Variants in MYH4 observed in about 807,000 individuals in gnomAD.
MYH4 encodes the protein myosin heavy chain 4.
MYH4 carries 200 observed loss-of-function variants against 229.9 expected under a neutral mutation model. The ratio of observed to expected loss-of-function variants is 0.87; its 90% confidence interval spans 0.78 to 0.98. The LOEUF (loss-of-function observed/expected upper bound fraction) is 0.98. MYH4 is among the 50% of genes least tolerant of loss of function. MYH4 has a pLI of 0.00. For synonymous variants in MYH4, 761 were observed against 834.6 expected, an observed-to-expected ratio of 0.91 and a Z score of 1.52; for missense variants, 2,148 against 2,332.6, an observed-to-expected ratio of 0.92 and a Z score of 1.63.
chr17:10,467,256 C>G (rs1305630372), intron 2 of MYH4, among the ~76,000 whole-genome samples: 2 of 152,194 alleles, frequency 1.3e-5, no homozygotes, highest in Non-Finnish European at 2.9e-5. Flanking sequence ...AAATTTTCCT[C>G]TCATCCCAAA....
In MYH4 at chr17:10,466,627, A is replaced by C; in HGVS notation, c.119T>G (p.Val40Gly). ...CACGTAGGACTCCTTAGGGTCCACCACAAAGACTGATGTCTTGGCATCAAA... is the reference window on the plus strand; with the variant it reads ...CACGTAGGACTCCTTAGGGTCCACCCCAAAGACTGATGTCTTGGCATCAAA... ...KPFDAKTSVF[V>G]VDPKESYVKA... The change falls in exon 3 of 40, where the codon GTG becomes GGG. Residue 40 changes from valine to glycine, a missense_variant. Physicochemically the swap from Val to Gly is moderately radical, Grantham distance 109. Transcript: ENST00000255381. 6.2e-7 allele frequency: 1 copy of C among 1,614,118 alleles called. No homozygotes were observed. Among genetic ancestry groups the C allele is most frequent in the Non-Finnish European group, 8.5e-7 (1 of 1,180,038 alleles).
chr17:10,459,090 T>C (rs1455844759), intron 15 of MYH4, among the ~76,000 whole-genome samples, 161 bp downstream of exon 15: 2 of 152,112 alleles, frequency 1.3e-5, no homozygotes, highest in Non-Finnish European at 2.9e-5. Flanking sequence ...GCTCTACTTA[T>C]TAATAACAGA....
intron 5 of MYH4, 27 bp downstream of exon 5, chr17:10,465,415 G>A: frequency 6.2e-7 from 1 of 1,611,046 alleles, no homozygotes; most frequent in Non-Finnish European, 8.5e-7. Flanking sequence ...TTTACAAATG[G>A]CTATGGAAAT....
chr17:10,464,660 AAAGT>A lies in MYH4; in HGVS notation c.533+17_533+20del. 1.9e-6 allele frequency: 3 copies of A among 1,613,810 alleles called. No individual in the cohort carries two copies. Among genetic ancestry groups the A allele is most frequent in the Non-Finnish European group, 2.5e-6 (3 of 1,179,700 alleles). ...CCACTACAATGATCAAAACAGAAAG[AAAGT>A]AACGAAATCTACATACGTAATCAAG... On this transcript the variant is annotated intron_variant, in intron 6 of 39. Transcript: ENST00000255381.
Position 10,450,551 on chromosome 17 carries a change from C to T in MYH4, c.4083G>A (p.Leu1361=). ...TGTTGGCCTTGGACATTCCCCTCTG[C>T]AGCTCAGCCTTGGCTTCCTGCTCCT... is the stretch of plus-strand genomic sequence containing the variant. The part of the protein sequence containing the change: ...YEEEQEAKAE[L]QRGMSKANSE... The change falls in exon 30 of 40, where the codon CTG becomes CTA. Residue 1361 remains leucine, a synonymous_variant. Coordinates refer to ENST00000255381, the MANE Select transcript of MYH4 (RefSeq NM_017533.2). 1 of 1,614,224 alleles carries T rather than the reference C, an allele frequency of 6.2e-7. No homozygotes were observed. Among genetic ancestry groups the T allele is most frequent in the Non-Finnish European group, 8.5e-7 (1 of 1,180,034 alleles).
intron 37 of MYH4, 34 bp downstream of exon 37, chr17:10,444,942 C>T: frequency 6.2e-7 from 1 of 1,614,100 alleles, no homozygotes; most frequent in South Asian, 1.1e-5. Context: ...CTGTAACTGG[C>T]CACAAGGAAT....
In MYH4 at chr17:10,453,788, G is replaced by T. The variant is rs2072606371; in HGVS notation, c.2789C>A (p.Ala930Asp). The change falls in exon 23 of 40, where the codon GCT (alanine) becomes GAT (aspartate). Residue 930 changes from alanine (A) to aspartate (D), a missense_variant. By Grantham distance (126) the Ala-to-Asp change is moderately radical. Transcript: ENST00000255381. ...EAKIKEVTER[A>D]EDEEEINAEL... ...AGCATTGATCTCTTCCTCATCCTCA[G>T]CTCTTTCAGTTACCTCTTTGATTTT... is the stretch of plus-strand genomic sequence containing the variant. 6.2e-7 allele frequency: 1 copy of T among 1,613,914 alleles called. No individual in the cohort carries two copies. The highest frequency in any genetic ancestry group is 2.2e-5 in the East Asian group (1 of 44,868).
rs764544690 is a variant in MYH4 at position 10,448,144 on chromosome 17, T to C, written c.4657-18A>G. 245 of 1,587,094 alleles carry C rather than the reference T, an allele frequency of 1.5e-4. No individual in the cohort carries two copies. The highest frequency in any genetic ancestry group is 1.9e-4 in the Non-Finnish European group (227 of 1,168,120). The stretch of plus-strand genomic sequence containing the variant: ...AGAGATGCCTTAATAAAAGCAACAT[T>C]TATTTAGGTTACCTAAAGAGCTTTT... On this transcript the variant is annotated intron_variant, in intron 33 of 39. Transcript: ENST00000255381.
In MYH4 at chr17:10,452,076, T is replaced by C. The variant is rs756322712; in HGVS notation, c.3603A>G (p.Ala1201=). Residue 1201 remains alanine, a synonymous_variant, in exon 27 of 40, where the codon GCA becomes GCG. Coordinates refer to ENST00000255381, the MANE Select transcript of MYH4 (RefSeq NM_017533.2). ...GCTCCCCAAGCTCAGCCACACTATCTGCGTGCTTCTTCCGAAGAGCAGCTG... is the reference window on the plus strand; with the variant it reads ...GCTCCCCAAGCTCAGCCACACTATCCGCGTGCTTCTTCCGAAGAGCAGCTG... The part of the protein sequence containing the change: ...ATAAALRKKH[A]DSVAELGEQI... 1.2e-6 allele frequency: 2 copies of C among 1,613,970 alleles called. No homozygotes were observed. The highest frequency in any genetic ancestry group is 1.7e-6 in the Non-Finnish European group (2 of 1,179,918).
At chr17:10,449,375 C>A (rs772969701) in intron 30 of MYH4, among the ~76,000 whole-genome samples, 32 of 152,086 alleles carry the variant, frequency 2.1e-4, no homozygotes, top group Non-Finnish European at 4.1e-4. Context: ...ACTAAGCTGG[C>A]CCTCTATAGT....
At chr17:10,469,213 A>T (rs1259282613) in intron 2 of MYH4, 75 bp downstream of exon 2, 1 of 152,210 alleles carries the variant, frequency 6.6e-6, no homozygotes, top group East Asian at 1.9e-4. Flanking sequence ...CTAGGAAATA[A>T]AATGGTAGCT....
At chr17:10,456,640 T>C in intron 16 of MYH4, 85 bp from the exon 17 acceptor site, 1 of 1,061,932 alleles carries the variant, frequency 9.4e-7, no homozygotes, top group African/African-American at 1.6e-5. Flanking sequence ...CAAAATTCCC[T>C]TTAGAATTTA....
intron 30 of MYH4, among the ~76,000 whole-genome samples, chr17:10,449,894 G>T (rs769294599): frequency 6.6e-6 from 1 of 152,076 alleles, no homozygotes. Flanking sequence ...ATTTAGAAAG[G>T]CTTCTTTCAC....
intron 16 of MYH4, 102 bp downstream of exon 16, chr17:10,457,318 A>C: frequency 1.5e-6 from 2 of 1,309,382 alleles, no homozygotes; most frequent in East Asian, 2.3e-5. Context: ...TGTATTGGCC[A>C]GTGTTTTTGT....
At chr17:10,457,929 T>C (rs1898689459) in intron 15 of MYH4, among the ~76,000 whole-genome samples, 200 bp from the exon 16 acceptor site, 1 of 152,178 alleles carries the variant, frequency 6.6e-6, no homozygotes, top group Non-Finnish European at 1.5e-5. Flanking sequence ...TTAAAAAAAA[T>C]ACATCTGAAC....
In MYH4 at chr17:10,454,519, A is replaced by G. The variant is rs758227156; in HGVS notation, c.2691+36T>C. 2.5e-6 allele frequency: 4 copies of G among 1,595,260 alleles called. No individual in the cohort carries two copies. The African/African-American group carries it at 5.4e-5, about 22-fold the overall frequency. ...CATTCATTTTAAAACGTTAAAAGTA[A>G]TAAGATGTGGCTGAACTGCAATGTA... On this transcript the variant is annotated intron_variant, in intron 22 of 39. Coordinates refer to ENST00000255381, the MANE Select transcript of MYH4 (RefSeq NM_017533.2).
Position 10,459,027 on chromosome 17 carries a change from G to A in MYH4, c.1587+224C>T, listed in dbSNP as rs987598644. On this transcript the variant is annotated intron_variant, in intron 15 of 39. Coordinates refer to ENST00000255381, the MANE Select transcript of MYH4 (RefSeq NM_017533.2). The stretch of plus-strand genomic sequence containing the variant: ...AGTGAGGGAGAATTAAGTTTTTAGA[G>A]GGATAAATGCGAATCCATATGTGTG... Among the ~76,000 whole-genome samples the A allele has an allele frequency of 7.2e-5, 11 of 152,120 alleles. No individual in the cohort carries two copies. In the East Asian group the frequency reaches 9.6e-4, roughly 13 times the overall value.
At chr17:10,460,862 A>G in intron 12 of MYH4, 54 bp downstream of exon 12, 1 of 1,600,328 alleles carries the variant, frequency 6.2e-7, no homozygotes, top group Non-Finnish European at 8.5e-7. Context: ...CCTGCCTCTG[A>G]AAAGTTCACT....
chr17:10,459,257 G>A lies in MYH4; in HGVS notation c.1581C>T (p.Ile527=). The change falls in exon 15 of 40, where the codon ATC becomes ATT. Residue 527 remains isoleucine, a synonymous_variant. Coordinates refer to ENST00000255381, the MANE Select transcript of MYH4 (RefSeq NM_017533.2). ...GMDLAACIEL[I]EKPMGIFSIL... ...CTAGAAAAGTCATATGAACCTTCTCGATGAGCTCGATGCAGGCAGCCAGGT... is the reference window on the plus strand; with the variant it reads ...CTAGAAAAGTCATATGAACCTTCTCAATGAGCTCGATGCAGGCAGCCAGGT... 3 of 1,613,992 alleles carry A rather than the reference G, an allele frequency of 1.9e-6. No individual in the cohort carries two copies. The highest frequency in any genetic ancestry group is 1.7e-5 in the Admixed American group (1 of 60,006).
Sources: allele counts gnomAD v4.1 joint callset (sites outside exome capture counted in the v4.1 genomes callset), GRCh38; gene constraint gnomAD v4.1.1; transcripts MANE v1.5; gene names NCBI Gene and HGNC (gene_info 2026-07-23, HGNC 2026-07-21).